The following ARHGEF38 variants were observed in gnomAD, a reference collection of about 807,000 sequenced individuals.
ARHGEF38 encodes Rho guanine nucleotide exchange factor (GEF) 38.
Under a neutral mutation model 79.9 loss-of-function variants are expected in ARHGEF38, and 79 were observed. The observed-to-expected ratio is 0.99, with a 90% CI of 0.82 to 1.19. The LOEUF (loss-of-function observed/expected upper bound fraction) is 1.19. Among genes scored for constraint, ARHGEF38 ranks in the 50% most tolerant of loss-of-function variants. ARHGEF38 has a pLI of 0.00. For synonymous variants in ARHGEF38, 366 were observed against 328.3 expected (o/e 1.11, Z -1.24); for missense variants, 962 against 907.2 (o/e 1.06, Z -0.78).
chr4:105,628,012 A>G (rs1729021941), intron 3 of ARHGEF38, among the ~76,000 whole-genome samples: 1 of 146,172 alleles, frequency 6.8e-6, no homozygotes, highest in Non-Finnish European at 1.5e-5. Flanking sequence ...CCTCAACAGA[A>G]TTTTACTTGG....
chr4:105,640,405 C>T (rs184139853), intron 5 of ARHGEF38, among the ~76,000 whole-genome samples: 2 of 152,200 alleles, frequency 1.3e-5, no homozygotes, highest in East Asian at 1.9e-4. Context: ...TTTGTATTAA[C>T]AATTAATGCC....
intron 3 of ARHGEF38, among the ~76,000 whole-genome samples, chr4:105,629,657 T>C (rs1729099125): frequency 6.6e-6 from 1 of 151,306 alleles, no homozygotes; most frequent in South Asian, 2.1e-4. Context: ...ATAATTTCTA[T>C]AGTGTTGGGT....
At position 105,659,076 on chromosome 4, in the gene ARHGEF38, T is replaced by C. The variant is rs1319003209; in HGVS notation, c.1256T>C (p.Ile419Thr). The C allele has an allele frequency of 2.6e-6, 4 of 1,535,820 alleles. No individual in the cohort carries two copies. The highest frequency in any genetic ancestry group is 3.5e-6 in the Non-Finnish European group (4 of 1,146,692). The change falls in exon 10 of 14, where the codon ATC (isoleucine) becomes ACC (threonine). Residue 419 changes from isoleucine (I) to threonine (T), a missense_variant. Physicochemically the swap from Ile to Thr is moderately conservative, Grantham distance 89 (BLOSUM62 -1). Coordinates refer to ENST00000420470, the MANE Select transcript of ARHGEF38 (RefSeq NM_001242729.2). ...CAGGCATCTCACTTACAGAGACTCA[T>C]CCTGACCCCCTTGTCAGCCCTGCTG... ...HDFASHLQRL[I>T]LTPLSALLSL...
intron 1 of ARHGEF38, among the ~76,000 whole-genome samples, chr4:105,586,828 T>C (rs1488678659): frequency 6.6e-6 from 1 of 152,188 alleles, no homozygotes; most frequent in Non-Finnish European, 1.5e-5. Flanking sequence ...CTCTTACGCA[T>C]GAGATTTCCT....
intron 2 of ARHGEF38, among the ~76,000 whole-genome samples, chr4:105,606,769 A>G (rs1728059469): frequency 6.6e-6 from 1 of 152,136 alleles, no homozygotes; most frequent in Admixed American, 6.6e-5. Context: ...AAAAATTTAA[A>G]CTATTTGAAG....
intron 1 of ARHGEF38, among the ~76,000 whole-genome samples, chr4:105,566,405 G>C (rs1725890124): frequency 6.6e-6 from 1 of 152,076 alleles, no homozygotes; most frequent in African/African-American, 2.4e-5. Context: ...ACTAACTACA[G>C]TTTTAATTTT....
At position 105,659,238 on chromosome 4, in the gene ARHGEF38, T is replaced by A; in HGVS notation, c.1418T>A (p.Leu473His). Residue 473 changes from leucine to histidine, a missense_variant, in exon 10 of 14, where the codon CTT (leucine) becomes CAT (histidine). Transcript: ENST00000420470. Reference sequence around the variant, plus strand: ...GAGTATGAGGCCCTCAACGCCCAGCTTGTGGAGGAGCTCCAGGCATTCAAC... The same window carrying A: ...GAGTATGAGGCCCTCAACGCCCAGCATGTGGAGGAGCTCCAGGCATTCAAC... ...KKEYEALNAQLVEELQAFNQA... is the reference protein window; with the variant it reads ...KKEYEALNAQHVEELQAFNQA... 2.0e-6 allele frequency: 3 copies of A among 1,536,118 alleles called. No homozygotes were observed. Among genetic ancestry groups the A allele is most frequent in the Non-Finnish European group, 2.6e-6 (3 of 1,146,882 alleles).
chr4:105,649,224 G>C (rs115542511), intron 7 of ARHGEF38, among the ~76,000 whole-genome samples: 1,643 of 152,196 alleles, frequency 0.011, 38 homozygotes, highest in African/African-American at 0.037. Context: ...ATATTAGTGA[G>C]TAACAGTCCT....
rs1026162234 is a variant in ARHGEF38 at position 105,667,555 on chromosome 4, T to G, written c.2000T>G (p.Leu667Arg). 2.4e-5 allele frequency: 37 copies of G among 1,536,586 alleles called. No homozygotes were observed. In the African/African-American group the frequency reaches 3.8e-4, roughly 16 times the overall value. The change falls in exon 13 of 14, where the codon CTC becomes CGC. Residue 667 changes from leucine (L) to arginine (R), a missense_variant. Leu to Arg is a moderately radical substitution (Grantham distance 102). Coordinates refer to ENST00000420470, the MANE Select transcript of ARHGEF38 (RefSeq NM_001242729.2). ...FCDDDFENIS[L>R]FVSSRPASDS... is the part of the protein sequence containing the mutation. ...GACGATGATTTTGAGAACATCAGCC[T>G]CTTCGTGTCTTCACGGCCAGCTAGT...
intron 10 of ARHGEF38, among the ~76,000 whole-genome samples, chr4:105,661,734 TA>T (rs1433880733): frequency 6.6e-6 from 1 of 152,006 alleles, no homozygotes; most frequent in Non-Finnish European, 1.5e-5. Flanking sequence ...CAGTTCCCCA[TA>T]AAGATCACTC....
chr4:105,665,176 AATT>A lies in ARHGEF38; in HGVS notation c.1546-985_1546-983del, dbSNP rs542598625. 6.0e-3 allele frequency among the ~76,000 whole-genome samples: 908 copies of A among 151,530 alleles called. 4 individuals are homozygous for A. Among genetic ancestry groups the A allele is most frequent in the Non-Finnish European group, 9.8e-3 (663 of 67,880 alleles). On this transcript the variant is annotated intron_variant, in intron 10 of 13. Transcript: ENST00000420470. ...CCTCACTGGGCTAATTTTATTTATT[AATT>A]ATTATTATTATTATTTTGTAATTTT...
intron 1 of ARHGEF38, chr4:105,563,287 T>A (rs1725725955): frequency 6.6e-6 from 1 of 152,190 alleles, no homozygotes; most frequent in African/African-American, 2.4e-5. Flanking sequence ...AATCTGAATC[T>A]TGAAATCCAA....
intron 2 of ARHGEF38, among the ~76,000 whole-genome samples, chr4:105,591,529 T>A (rs371043879): frequency 1.3e-3 from 202 of 152,220 alleles, no homozygotes; most frequent in African/African-American, 4.6e-3. Flanking sequence ...ATGCCCGGCC[T>A]CAGAAATATT....
chr4:105,644,866 G>A (rs937291089), intron 5 of ARHGEF38, among the ~76,000 whole-genome samples: 5 of 152,096 alleles, frequency 3.3e-5, no homozygotes, highest in South Asian at 2.1e-4. Flanking sequence ...GGTAAAATAC[G>A]TTCTGAAATT....
intron 5 of ARHGEF38, among the ~76,000 whole-genome samples, chr4:105,644,153 C>T (rs1219690828): frequency 6.6e-6 from 1 of 152,152 alleles, no homozygotes; most frequent in Non-Finnish European, 1.5e-5. Context: ...CAGGCCCAAA[C>T]CACTGTGCCT....
intron 9 of ARHGEF38, among the ~76,000 whole-genome samples, chr4:105,658,499 G>A (rs1012632355): frequency 6.6e-6 from 1 of 152,150 alleles, no homozygotes; most frequent in Non-Finnish European, 1.5e-5. Flanking sequence ...TATCTGTATA[G>A]GGGATATAAT....
chr4:105,604,163 A>G (rs768792791), intron 2 of ARHGEF38, among the ~76,000 whole-genome samples: 3 of 152,130 alleles, frequency 2.0e-5, no homozygotes, highest in Non-Finnish European at 4.4e-5. Context: ...TGCCAGAAGA[A>G]CTGACTTCAT....
intron 5 of ARHGEF38, among the ~76,000 whole-genome samples, chr4:105,639,337 A>G (rs1355357460): frequency 1.3e-5 from 2 of 151,974 alleles, no homozygotes; most frequent in Non-Finnish European, 2.9e-5. Flanking sequence ...CTTTTAACAC[A>G]GTTTATGGCT....
chr4:105,667,421 CT>C, intron 12 of ARHGEF38, 22 bp from the exon 13 acceptor site: 1 of 1,534,588 alleles, frequency 6.5e-7, no homozygotes, highest in Non-Finnish European at 8.7e-7. Context: ...CTTGGTTCTT[CT>C]TTCTTTTTAT....
Sources: gnomAD v4.1 joint callset for allele counts (sites outside exome capture counted in the v4.1 genomes callset) on GRCh38, gnomAD v4.1.1 for gene constraint, MANE v1.5 for transcripts, NCBI Gene and HGNC (gene_info 2026-07-23, HGNC 2026-07-21) for gene names.